Variants in SOX6 observed in about 807,000 individuals in gnomAD.
The protein encoded by SOX6 is SRY-box transcription factor 6, also known as transcription factor SOX-6.
A neutral mutation model predicts 97.8 loss-of-function variants in SOX6; 11 were observed. The observed-to-expected ratio is 0.11, with a 90% confidence interval of 0.07 to 0.19. The LOEUF is 0.19. Ranked by LOEUF, SOX6 falls within the 10% of genes least tolerant of loss-of-function variation. SOX6 has a pLI of 1.00. For synonymous variants in SOX6, 360 were observed against 371.4 expected, an observed-to-expected ratio of 0.97 and a Z score of 0.35; for missense variants, 810 against 1,039.5, an observed-to-expected ratio of 0.78 and a Z score of 3.04.
At position 16,139,408 on chromosome 11, in the gene SOX6, C is replaced by T. The variant is rs550807873; in HGVS notation, c.778-27485G>A. Among the ~76,000 whole-genome samples, 20 of 152,216 alleles carry T rather than the reference C, an allele frequency of 1.3e-4. No individual in the cohort carries two copies. In the South Asian group the frequency reaches 4.1e-3, roughly 32 times the overall value. On this transcript the variant is annotated intron_variant, in intron 6 of 15. Coordinates refer to ENST00000683767, the MANE Select transcript of SOX6 (RefSeq NM_001367873.1). The stretch of plus-strand genomic sequence containing the variant: ...TTGGCACATTAAGGAAGAGCTTTCT[C>T]TTCTCTTTTATTTTTTCATTTATTC...
chr11:16,564,668 T>A (rs1847849972), intron 4 of SOX6, among the ~76,000 whole-genome samples: 1 of 151,990 alleles, frequency 6.6e-6, no homozygotes, highest in Non-Finnish European at 1.5e-5. Context: ...AAGAACTATC[T>A]CCAAATCCTT....
intron 6 of SOX6, among the ~76,000 whole-genome samples, chr11:16,165,734 C>A (rs541198440): frequency 6.6e-6 from 1 of 151,966 alleles, no homozygotes; most frequent in African/African-American, 2.4e-5. Context: ...CCTGTCTCTA[C>A]TAAAAGTACA....
At chr11:16,692,988 A>G (rs1342264600) in intron 3 of SOX6, among the ~76,000 whole-genome samples, 1 of 152,184 alleles carries the variant, frequency 6.6e-6, no homozygotes, top group African/African-American at 2.4e-5. Context: ...TCTAATAATT[A>G]TTCTCTTACT....
intron 3 of SOX6, among the ~76,000 whole-genome samples, chr11:16,238,121 C>T (rs2134181041): frequency 6.6e-6 from 1 of 152,042 alleles, no homozygotes; most frequent in Middle Eastern, 3.4e-3. Context: ...ACTTTATCTT[C>T]TCTAATTTTT....
rs771752846 is a variant in SOX6, at chr11:15,968,684, C to G, written c.*4125G>C. ...GAGTGATCACGCCCTTTTCAAACAC[C>G]CTCAGGCTCCCGTGGGGCTAATGTT... On this transcript the variant is annotated 3_prime_UTR_variant, in exon 16 of 16. Transcript: ENST00000683767. 12 of 152,166 alleles carry G rather than the reference C, an allele frequency of 7.9e-5. No homozygotes were observed. Among genetic ancestry groups the G allele is most frequent in the Non-Finnish European group, 1.5e-4 (10 of 68,070 alleles). 9.4% of individuals were successfully genotyped at this position (152,166 alleles called of 1,614,324 possible).
Position 15,967,541 on chromosome 11 carries a change from C to T in SOX6, c.*5268G>A, listed in dbSNP as rs1214272885. 6.6e-6 allele frequency: 1 copy of T among 152,106 alleles called. No homozygotes were observed. The highest frequency in any genetic ancestry group is 1.5e-5 in the Non-Finnish European group (1 of 68,014). The allele number at this position is 152,106 out of a possible 1,614,324, so 9.4% of individuals were successfully genotyped here. On this transcript the variant is annotated 3_prime_UTR_variant, in exon 16 of 16. Transcript: ENST00000683767. ...CTAAGGTAATAAAAATTTTACATGG[C>T]AAATACAATAATGAATGAACATAAA...
At chr11:16,013,242 GA>G (rs1265010998) in intron 13 of SOX6, among the ~76,000 whole-genome samples, 1 of 152,016 alleles carries the variant, frequency 6.6e-6, no homozygotes, top group East Asian at 1.9e-4. Context: ...TAAACAGACT[GA>G]ATACTCCAAA....
chr11:16,414,933 A>G (rs891628079), intron 1 of SOX6, among the ~76,000 whole-genome samples: 5 of 152,166 alleles, frequency 3.3e-5, no homozygotes, highest in African/African-American at 1.2e-4. Flanking sequence ...TTGTTATTCA[A>G]TATTAGAAGA....
At chr11:16,022,063 C>T (rs996450283) in intron 12 of SOX6, among the ~76,000 whole-genome samples, 1 of 152,104 alleles carries the variant, frequency 6.6e-6, no homozygotes, top group Admixed American at 6.5e-5. Context: ...CCTGTTCCCC[C>T]CTTTGTAAAA....
At chr11:16,636,105 T>C (rs1848783918) in intron 3 of SOX6, among the ~76,000 whole-genome samples, 2 of 152,126 alleles carry the variant, frequency 1.3e-5, no homozygotes, top group African/African-American at 4.8e-5. Flanking sequence ...TCCTCCAGAC[T>C]TCAGAATGGT....
chr11:16,621,594 T>C (rs1848546002), intron 3 of SOX6, among the ~76,000 whole-genome samples: 1 of 152,220 alleles, frequency 6.6e-6, no homozygotes, highest in African/African-American at 2.4e-5. Context: ...TCATTGGCTA[T>C]GTACATGTAG....
intron 4 of SOX6, chr11:16,484,801 C>G: frequency 3.2e-6 from 1 of 315,490 alleles, no homozygotes; most frequent in Non-Finnish European, 5.9e-6. Flanking sequence ...TGACTCTTTA[C>G]CAAGAATGTT....
At position 16,651,172 on chromosome 11, in the gene SOX6, GATA is replaced by G. The variant is rs1311446273; in HGVS notation, n.430-38915_430-38913del. 2.6e-5 allele frequency among the ~76,000 whole-genome samples: 4 copies of G among 152,110 alleles called. 1 individual carries two copies. In the South Asian group the frequency reaches 6.2e-4, roughly 24 times the overall value. ...AAGTCCAGGACCAAATGAATTCACA[GATA>G]AATTCTATCAGACTTTCAAAGAAAA... On this transcript the variant is annotated intron_variant and non_coding_transcript_variant, in intron 3 of 5. Coordinates refer to the SOX6 transcript ENST00000524520.
At chr11:16,166,111 T>C (rs1048961303) in intron 6 of SOX6, among the ~76,000 whole-genome samples, 5 of 152,114 alleles carry the variant, frequency 3.3e-5, no homozygotes, top group African/African-American at 1.2e-4. Flanking sequence ...ATTTGCTCTT[T>C]CTAGGCATTT....
intron 6 of SOX6, among the ~76,000 whole-genome samples, chr11:16,174,061 GGA>G (rs1356270670): frequency 6.9e-6 from 1 of 145,290 alleles, no homozygotes; most frequent in Non-Finnish European, 1.5e-5. Context: ...GTCCATGAGT[GGA>G]GAGTCAAATT....
chr11:16,049,983 G>T, intron 10 of SOX6, 45 bp from the exon 11 acceptor site: 1 of 1,599,622 alleles, frequency 6.3e-7, no homozygotes, highest in South Asian at 1.1e-5. Flanking sequence ...AAAGACAAAT[G>T]AAGCACATTA....
At position 15,973,030 on chromosome 11, in the gene SOX6, G is replaced by T; in HGVS notation, c.2266C>A (p.Pro756Thr). The T allele has an allele frequency of 6.2e-7, 1 of 1,614,160 alleles. No individual in the cohort carries two copies. The highest frequency in any genetic ancestry group is 8.5e-7 in the Non-Finnish European group (1 of 1,180,018). The change falls in exon 16 of 16, where the codon CCT becomes ACT. Residue 756 changes from proline to threonine, a missense_variant. Physicochemically the swap from Pro to Thr is conservative, Grantham distance 38. Coordinates refer to ENST00000683767, the MANE Select transcript of SOX6 (RefSeq NM_001367873.1). ...AITMATTTPSPQMTSDCSSTS... is the reference protein window; with the variant it reads ...AITMATTTPSTQMTSDCSSTS... ...CTAGAGCAGTCAGATGTCATCTGAGGCGATGGTGTGGTAGTTGCCATAGTG... is the reference window on the plus strand; with the variant it reads ...CTAGAGCAGTCAGATGTCATCTGAGTCGATGGTGTGGTAGTTGCCATAGTG...
At chr11:16,583,278 T>C (rs899314648) in intron 4 of SOX6, among the ~76,000 whole-genome samples, 4 of 152,004 alleles carry the variant, frequency 2.6e-5, no homozygotes. Flanking sequence ...GATTTACCAT[T>C]TGTTTTGGGA....
intron 6 of SOX6, among the ~76,000 whole-genome samples, chr11:16,149,344 C>T (rs1197463969): frequency 6.6e-6 from 1 of 151,780 alleles, no homozygotes; most frequent in Non-Finnish European, 1.5e-5. Context: ...GCAGCTGAAC[C>T]AGCAGAAAAA....
Sources: gnomAD v4.1 joint callset for allele counts (sites outside exome capture counted in the v4.1 genomes callset) on GRCh38, gnomAD v4.1.1 for gene constraint, MANE v1.5 for transcripts, NCBI Gene and HGNC (gene_info 2026-07-23, HGNC 2026-07-21) for gene names.